PCSK2: variants seen among roughly 807,000 people sequenced by gnomAD.
The protein encoded by PCSK2 is neuroendocrine convertase 2.
Under a neutral mutation model 69.7 loss-of-function variants are expected in PCSK2, and 14 were observed. The observed-to-expected ratio is 0.20, with a 90% confidence interval of 0.13 to 0.31. PCSK2 has a LOEUF of 0.31. Ranked by LOEUF, PCSK2 falls within the 10% of genes least tolerant of loss-of-function variation. The pLI, the probability that PCSK2 is intolerant of heterozygous loss-of-function variation, is 1.00. For missense variants in PCSK2, 544 were observed against 842.5 expected, an observed-to-expected ratio of 0.65 and a Z score of 4.39; for synonymous variants, 307 against 320.7, an observed-to-expected ratio of 0.96 and a Z score of 0.46.
chr20:17,370,522 G>A (rs2030728286), intron 5 of PCSK2, among the ~76,000 whole-genome samples: 1 of 152,186 alleles, frequency 6.6e-6, no homozygotes, highest in South Asian at 2.1e-4. Flanking sequence ...AGAAAGAAAT[G>A]ACAGAAATTA....
At chr20:17,314,330 A>C (rs1958141837) in intron 2 of PCSK2, among the ~76,000 whole-genome samples, 1 of 152,224 alleles carries the variant, frequency 6.6e-6, no homozygotes, top group African/African-American at 2.4e-5. Context: ...AATAATGCTG[A>C]GACATCTAGA....
chr20:17,244,536 C>T (rs1600404845), intron 1 of PCSK2, among the ~76,000 whole-genome samples: 1 of 152,186 alleles, frequency 6.6e-6, no homozygotes. Flanking sequence ...CCATAATGTA[C>T]CCTGTAGAAG....
chr20:17,480,568 A>G (rs901303179), intron 11 of PCSK2, among the ~76,000 whole-genome samples: 7 of 152,194 alleles, frequency 4.6e-5, no homozygotes, highest in African/African-American at 1.7e-4. Context: ...TTTGAAAGAA[A>G]GACATTATGA....
chr20:17,251,566 G>A (rs1234645025), intron 1 of PCSK2, among the ~76,000 whole-genome samples: 1 of 152,222 alleles, frequency 6.6e-6, no homozygotes, highest in African/African-American at 2.4e-5. Flanking sequence ...GCTGCTCCAA[G>A]ACGGTGTCAT....
chr20:17,255,363 A>G (rs1346140576), intron 1 of PCSK2, among the ~76,000 whole-genome samples: 2 of 149,090 alleles, frequency 1.3e-5, no homozygotes, highest in Non-Finnish European at 3.0e-5. Flanking sequence ...TTTTTTTGAG[A>G]CGGAGTCTCG....
At chr20:17,288,953 C>T (rs769338330) in intron 2 of PCSK2, among the ~76,000 whole-genome samples, 2 of 152,180 alleles carry the variant, frequency 1.3e-5, no homozygotes, top group Non-Finnish European at 2.9e-5. Context: ...AAAAGGCTAT[C>T]CGCAAAGGAA....
chr20:17,433,965 A>C (rs545598682), intron 7 of PCSK2, among the ~76,000 whole-genome samples: 209 of 54,886 alleles, frequency 3.8e-3, no homozygotes, highest in Non-Finnish European at 4.0e-3. Flanking sequence ...TCTCTCCTAC[A>C]CTCTCCCTCT....
chr20:17,353,467 A>AGG (rs1568614770), intron 2 of PCSK2, among the ~76,000 whole-genome samples: 94 of 151,164 alleles, frequency 6.2e-4, no homozygotes, highest in African/African-American at 2.1e-3. Flanking sequence ...CCATCACACA[A>AGG]AAAAAAAAAA....
intron 5 of PCSK2, among the ~76,000 whole-genome samples, chr20:17,383,650 A>AAAAAG (rs1555792248): frequency 2.6e-5 from 4 of 152,074 alleles, no homozygotes; most frequent in Non-Finnish European, 4.4e-5. Flanking sequence ...TGAAAAATAA[A>AAAAAG]AAAAAGAAAA....
At chr20:17,448,427 TTTATA>T (rs1243756428) in intron 8 of PCSK2, among the ~76,000 whole-genome samples, 1 of 152,222 alleles carries the variant, frequency 6.6e-6, no homozygotes, top group Non-Finnish European at 1.5e-5. Flanking sequence ...TAACATTCTT[TTTATA>T]TTATGAGCAA....
chr20:17,364,352 T>C (rs776347989), intron 4 of PCSK2, among the ~76,000 whole-genome samples: 8 of 152,208 alleles, frequency 5.3e-5, no homozygotes, highest in Non-Finnish European at 1.2e-4. Flanking sequence ...GCATAACAGA[T>C]AATCCTGTAT....
chr20:17,413,148 A>T (rs1208586793), intron 6 of PCSK2, among the ~76,000 whole-genome samples: 1 of 152,230 alleles, frequency 6.6e-6, no homozygotes, highest in Non-Finnish European at 1.5e-5. Context: ...ACCAGCTAAC[A>T]TCATAATGAC....
At chr20:17,330,741 A>T (rs949748811) in intron 2 of PCSK2, among the ~76,000 whole-genome samples, 3 of 152,216 alleles carry the variant, frequency 2.0e-5, no homozygotes, top group African/African-American at 4.8e-5. Flanking sequence ...GGAAGTCTAC[A>T]GGTGGCCAGG....
At chr20:17,454,053 C>G in intron 9 of PCSK2, 96 bp downstream of exon 9, 1 of 1,529,266 alleles carries the variant, frequency 6.5e-7, no homozygotes, top group Non-Finnish European at 8.9e-7. Flanking sequence ...CCTCCTGTCC[C>G]CTCCCTCAGA....
At chr20:17,357,001 T>C (rs1354775404) in intron 2 of PCSK2, among the ~76,000 whole-genome samples, 1 of 152,044 alleles carries the variant, frequency 6.6e-6, no homozygotes, top group African/African-American at 2.4e-5. Context: ...ACTGGGGAGA[T>C]TTGGGAAGAG....
At chr20:17,468,900 A>C (rs2033154258) in intron 11 of PCSK2, among the ~76,000 whole-genome samples, 1 of 152,246 alleles carries the variant, frequency 6.6e-6, no homozygotes, top group African/African-American at 2.4e-5. Flanking sequence ...AACCCCTAGA[A>C]AGTGGCACCA....
chr20:17,314,011 T>C (rs1600481878), intron 2 of PCSK2, among the ~76,000 whole-genome samples: 2 of 152,250 alleles, frequency 1.3e-5, no homozygotes, highest in Admixed American at 1.3e-4. Flanking sequence ...TAAGTGCTCC[T>C]TTCCAGGAGA....
intron 11 of PCSK2, among the ~76,000 whole-genome samples, chr20:17,477,769 AAGTGTT>A (rs948510985): frequency 2.0e-4 from 31 of 152,254 alleles, no homozygotes; most frequent in Middle Eastern, 3.4e-3. Flanking sequence ...CACTCTCTGT[AAGTGTT>A]AGTGTTAGTG....
chr20:17,408,140 A>G (rs1386787359), intron 5 of PCSK2, among the ~76,000 whole-genome samples: 2 of 152,130 alleles, frequency 1.3e-5, no homozygotes, highest in Non-Finnish European at 2.9e-5. Context: ...CCAAAGCTGG[A>G]ATGTGCCTCT....
Sources: gnomAD v4.1 joint callset for allele counts (sites outside exome capture counted in the v4.1 genomes callset) on GRCh38, gnomAD v4.1.1 for gene constraint, MANE v1.5 for transcripts, NCBI Gene and HGNC (gene_info 2026-07-23, HGNC 2026-07-21) for gene names.